CCDC112: variants seen among roughly 807,000 people sequenced by gnomAD.
CCDC112 encodes the protein coiled-coil domain-containing protein 112.
Under a neutral mutation model 66.3 loss-of-function variants are expected in CCDC112, and 40 were observed. The observed-to-expected ratio is 0.60, with a 90% confidence interval of 0.47 to 0.79. The LOEUF (loss-of-function observed/expected upper bound fraction) is 0.79, where lower values mean the gene tolerates loss of function less well. CCDC112 is among the 30% of genes least tolerant of loss of function. The pLI is 0.00. For missense variants in CCDC112, 659 were observed against 603.8 expected, an observed-to-expected ratio of 1.09 and a Z score of -0.96; for synonymous variants, 214 against 197.2, an observed-to-expected ratio of 1.09 and a Z score of -0.71.
chr5:115,293,001 G>A (rs1323065204), intron 1 of CCDC112, among the ~76,000 whole-genome samples: 2 of 152,152 alleles, frequency 1.3e-5, no homozygotes, highest in African/African-American at 2.4e-5. Context: ...TAAGTGCAGT[G>A]GCTTAAACAA....
At chr5:115,271,771 C>T in intron 6 of CCDC112, 145 bp from the exon 7 acceptor site, 1 of 568,960 alleles carries the variant, frequency 1.8e-6, no homozygotes, top group South Asian at 3.8e-5. Context: ...TTTGTTTTAA[C>T]CATTGCAATT....
intron 2 of CCDC112, 52 bp downstream of exon 2, chr5:115,284,735 C>T: frequency 7.0e-7 from 1 of 1,424,832 alleles, no homozygotes; most frequent in South Asian, 1.2e-5. Context: ...TTTTTATTGT[C>T]CATTATAAAA....
chr5:115,284,797 A>C lies in CCDC112; in HGVS notation c.229T>G (p.Phe77Val). ...TATTCTTATACTTACTGATTTTTAA[A>C]TTTTTCTGCTGTGCGTACAAATTCT... ...KAEFVRTAEK[F>V]KNQVINMEKD... The change falls in exon 2 of 10, where the codon TTT (phenylalanine) becomes GTT (valine). Residue 77 changes from phenylalanine to valine, a missense_variant. Coordinates refer to ENST00000379611, the MANE Select transcript of CCDC112 (RefSeq NM_001040440.3). 1 of 1,601,788 alleles carries C rather than the reference A, an allele frequency of 6.2e-7. No individual in the cohort carries two copies. The highest frequency in any genetic ancestry group is 8.6e-7 in the Non-Finnish European group (1 of 1,169,374).
Position 115,267,239 on chromosome 5 carries a change from AG to A in CCDC112, c.*636del, listed in dbSNP as rs1748774952. 1 of 152,264 alleles carries A rather than the reference AG, an allele frequency of 6.6e-6. No individual in the cohort carries two copies. The highest frequency in any genetic ancestry group is 2.4e-5 in the African/African-American group (1 of 41,470). The allele number at this position is 152,264 out of a possible 1,614,324, so 9.4% of individuals were successfully genotyped here. ...AATCTGTGAAATCCAGAAAGGCTGA[AG>A]GAAAATTTGGAATTGCTGAAGGAAA... On this transcript the variant is annotated 3_prime_UTR_variant, in exon 10 of 10. Transcript: ENST00000379611.
At chr5:115,277,620 G>T (rs1238597895) in intron 3 of CCDC112, among the ~76,000 whole-genome samples, 1 of 152,090 alleles carries the variant, frequency 6.6e-6, no homozygotes, top group Admixed American at 6.6e-5. Flanking sequence ...GGTATACTAT[G>T]CCACAGGTCG....
chr5:115,270,385 C>T (rs1302223815), intron 7 of CCDC112, among the ~76,000 whole-genome samples: 1 of 152,092 alleles, frequency 6.6e-6, no homozygotes, highest in Admixed American at 6.5e-5. Flanking sequence ...CTCATTTGCA[C>T]CCTTTTTCAT....
intron 3 of CCDC112, among the ~76,000 whole-genome samples, chr5:115,278,446 T>C (rs1037507464): frequency 1.3e-5 from 2 of 151,798 alleles, no homozygotes; most frequent in African/African-American, 4.8e-5. Context: ...TAAAGTGTAG[T>C]AACACTACAC....
intron 6 of CCDC112, among the ~76,000 whole-genome samples, chr5:115,274,985 C>T (rs1426983906): frequency 6.6e-6 from 1 of 152,148 alleles, no homozygotes; most frequent in African/African-American, 2.4e-5. Context: ...TCAAGTGATC[C>T]ATCCGCCTTA....
At position 115,275,437 on chromosome 5, in the gene CCDC112, C is replaced by T. The variant is rs375526279; in HGVS notation, c.697G>A (p.Val233Ile). ...KVTPSTLPEEVLDFEKFLQQT... is the reference protein window; with the variant it reads ...KVTPSTLPEEILDFEKFLQQT... ...TGAAGGAATTTTTCAAAATCTAGTA[C>T]CTCTTCTGGAAGAGTACTTGGTGTT... Residue 233 changes from valine (V) to isoleucine (I), a missense_variant, in exon 6 of 10, where the codon GTA becomes ATA. Physicochemically the swap from Val to Ile is conservative, Grantham distance 29 (BLOSUM62 3). Transcript: ENST00000379611. 3 of 1,613,860 alleles carry T rather than the reference C, an allele frequency of 1.9e-6. No homozygotes were observed. Among genetic ancestry groups the T allele is most frequent in the African/African-American group, 2.7e-5 (2 of 74,882 alleles).
At position 115,271,201 on chromosome 5, in the gene CCDC112, A is replaced by G; in HGVS notation, c.1332+12T>C. ...AGCATTTAAAAATTATTTAGGAAAT[A>G]GATTTACTCACTCTTTCTTGAAATC... is the stretch of plus-strand genomic sequence containing the variant. On this transcript the variant is annotated intron_variant, in intron 7 of 9. Coordinates refer to ENST00000379611, the MANE Select transcript of CCDC112 (RefSeq NM_001040440.3). The G allele has an allele frequency of 2.6e-6, 4 of 1,563,562 alleles. No homozygotes were observed. Among genetic ancestry groups the G allele is most frequent in the Non-Finnish European group, 3.4e-6 (4 of 1,163,868 alleles).
At chr5:115,290,834 T>C (rs911529289) in intron 1 of CCDC112, among the ~76,000 whole-genome samples, 4 of 152,216 alleles carry the variant, frequency 2.6e-5, no homozygotes, top group African/African-American at 9.6e-5. Flanking sequence ...GATCTTGTAT[T>C]CTGCAACCTT....
At chr5:115,272,081 T>C (rs1455382094) in intron 6 of CCDC112, among the ~76,000 whole-genome samples, 1 of 152,006 alleles carries the variant, frequency 6.6e-6, no homozygotes, top group African/African-American at 2.4e-5. Context: ...CCAGCCACCA[T>C]GTCTGGCTAA....
chr5:115,295,127 C>A (rs1037182475), intron 1 of CCDC112, among the ~76,000 whole-genome samples: 3 of 152,104 alleles, frequency 2.0e-5, no homozygotes, highest in African/African-American at 7.2e-5. Flanking sequence ...AAAAATGTCT[C>A]CAAACATTGC....
At position 115,275,344 on chromosome 5, in the gene CCDC112, T is replaced by G; in HGVS notation, c.790A>C (p.Lys264Gln). ...DHQNFVKVRN[K>Q]HKGKPTFMEE... The stretch of plus-strand genomic sequence containing the variant: ...ATAAATGTTGGCTTCCCTTTATGTT[T>G]GTTTCTCACCTTTACAAAGTTCTGG... Residue 264 changes from lysine to glutamine, a missense_variant, in exon 6 of 10, where the codon AAA becomes CAA. Transcript: ENST00000379611. 6.2e-7 allele frequency: 1 copy of G among 1,614,148 alleles called. No individual in the cohort carries two copies. Among genetic ancestry groups the G allele is most frequent in the South Asian group, 1.1e-5 (1 of 91,084 alleles).
At chr5:115,280,465 A>G (rs1749404053) in intron 2 of CCDC112, 1 of 152,168 alleles carries the variant, frequency 6.6e-6, no homozygotes, top group South Asian at 2.1e-4. Context: ...AGGAGTTCTC[A>G]TTGTTAGTTT....
intron 1 of CCDC112, among the ~76,000 whole-genome samples, chr5:115,292,610 A>G (rs184094582): frequency 2.2e-4 from 34 of 152,376 alleles, no homozygotes; most frequent in Admixed American, 3.3e-4. Flanking sequence ...GACAACTCCA[A>G]AAATGAGATT....
At chr5:115,294,703 T>A (rs1750075520) in intron 1 of CCDC112, among the ~76,000 whole-genome samples, 1 of 152,236 alleles carries the variant, frequency 6.6e-6, no homozygotes, top group Admixed American at 6.5e-5. Context: ...TCAGTAGGAA[T>A]ATTCGTTCAT....
intron 8 of CCDC112, 142 bp downstream of exon 8, chr5:115,269,561 G>A: frequency 1.7e-6 from 1 of 599,360 alleles, no homozygotes; most frequent in Non-Finnish European, 2.8e-6. Context: ...AGTTATGCTT[G>A]CTAATATGTA....
chr5:115,295,663 A>G (rs1490990250), intron 1 of CCDC112, among the ~76,000 whole-genome samples: 1 of 152,348 alleles, frequency 6.6e-6, no homozygotes, highest in African/African-American at 2.4e-5. Flanking sequence ...GGAATACAAT[A>G]AAGAATAAAA....
Sources: allele counts gnomAD v4.1 joint callset (sites outside exome capture counted in the v4.1 genomes callset), GRCh38; gene constraint gnomAD v4.1.1; transcripts MANE v1.5; gene names NCBI Gene and HGNC (gene_info 2026-07-23, HGNC 2026-07-21).